Variants in ENPP3 observed in about 807,000 individuals in gnomAD.
ENPP3 encodes the protein ectonucleotide pyrophosphatase/phosphodiesterase 3, also known as ectonucleotide pyrophosphatase/phosphodiesterase family member 3.
A neutral mutation model predicts 117.8 loss-of-function variants in ENPP3; 104 were observed. That is an observed-to-expected ratio of 0.88 (90% CI 0.75 to 1.04). ENPP3 has a LOEUF of 1.04. ENPP3 is among the 50% of genes least tolerant of loss of function. ENPP3 has a pLI of 0.00. For missense variants in ENPP3, 1,026 were observed against 1,051.9 expected (o/e 0.98, Z 0.34); for synonymous variants, 380 against 349.9 (o/e 1.09, Z -0.96).
rs1021406509 is a variant in ENPP3, at chr6:131,685,582, T to C, written c.1252+87T>C. The C allele has an allele frequency of 3.0e-6, 4 of 1,336,466 alleles. No homozygotes were observed. In the African/African-American group the frequency reaches 5.9e-5, roughly 20 times the overall value. 82.8% of individuals were successfully genotyped at this position (1,336,466 alleles called of 1,614,324 possible). A position where few individuals can be genotyped will look rare whatever the true frequency, so the allele number is the denominator to read the frequency against. On this transcript the variant is annotated intron_variant, in intron 13 of 24. Transcript: ENST00000357639. ...ACTAATTCTGAGAGGAAGTTGGGGTTATCAGACCCTCTACTGACTTCTTGA... is the reference window on the plus strand; with the variant it reads ...ACTAATTCTGAGAGGAAGTTGGGGTCATCAGACCCTCTACTGACTTCTTGA...
intron 12 of ENPP3, among the ~76,000 whole-genome samples, chr6:131,684,416 A>G (rs112202257): frequency 0.096 from 14,635 of 152,262 alleles, 1,663 homozygotes; most frequent in African/African-American, 0.27. Context: ...ACCATGGCTC[A>G]GGCCTGTAAT....
chr6:131,646,161 C>T (rs1189309915), intron 2 of ENPP3, among the ~76,000 whole-genome samples: 1 of 152,114 alleles, frequency 6.6e-6, no homozygotes, highest in Non-Finnish European at 1.5e-5. Context: ...TTACTTCCCT[C>T]ATATTTTTAC....
chr6:131,676,300 T>G (rs1440864754), intron 9 of ENPP3, among the ~76,000 whole-genome samples: 1 of 152,014 alleles, frequency 6.6e-6, no homozygotes, highest in Non-Finnish European at 1.5e-5. Flanking sequence ...ATACGCTATA[T>G]AATTTATTTT....
intron 16 of ENPP3, among the ~76,000 whole-genome samples, chr6:131,719,920 T>C (rs56176650): frequency 0.01 from 1,597 of 152,204 alleles, 21 homozygotes; most frequent in African/African-American, 0.033. Flanking sequence ...TGATTAATGA[T>C]ATGAAACAAT....
chr6:131,661,737 T>C (rs1281580340), intron 6 of ENPP3, among the ~76,000 whole-genome samples: 3 of 152,268 alleles, frequency 2.0e-5, no homozygotes, highest in African/African-American at 7.2e-5. Context: ...CATTTTTTAA[T>C]GAGACTATTG....
intron 6 of ENPP3, among the ~76,000 whole-genome samples, chr6:131,664,875 A>C (rs1317461497): frequency 6.6e-6 from 1 of 152,162 alleles, no homozygotes; most frequent in Non-Finnish European, 1.5e-5. Flanking sequence ...GAATTGTCTA[A>C]CAACACATTT....
chr6:131,697,285 G>C (rs1002814215), intron 15 of ENPP3, among the ~76,000 whole-genome samples: 2 of 152,052 alleles, frequency 1.3e-5, no homozygotes, highest in Admixed American at 6.6e-5. Context: ...GGTAGATACA[G>C]GTGGCTTGAG....
intron 18 of ENPP3, among the ~76,000 whole-genome samples, chr6:131,722,828 G>A (rs1229438259): frequency 6.6e-6 from 1 of 152,192 alleles, no homozygotes; most frequent in Non-Finnish European, 1.5e-5. Context: ...CACTAGGGTA[G>A]GTGCTGCGGG....
At chr6:131,693,646 T>C (rs1647840929) in intron 15 of ENPP3, 22 bp downstream of exon 15, 1 of 1,608,542 alleles carries the variant, frequency 6.2e-7, no homozygotes, top group Non-Finnish European at 8.5e-7. Context: ...TGTTTACTTA[T>C]CTCATAATGC....
chr6:131,675,283 G>T, intron 9 of ENPP3, 94 bp downstream of exon 9: 1 of 797,834 alleles, frequency 1.3e-6, no homozygotes, highest in Non-Finnish European at 2.1e-6. Context: ...TAATCCAGTT[G>T]TTTAAGCCAA....
chr6:131,641,099 A>C (rs1486259789), intron 1 of ENPP3, among the ~76,000 whole-genome samples: 1 of 152,186 alleles, frequency 6.6e-6, no homozygotes, highest in Non-Finnish European at 1.5e-5. Flanking sequence ...AATGATCACA[A>C]ATGGGTGCCT....
At chr6:131,648,001 C>G (rs1479069502) in intron 2 of ENPP3, among the ~76,000 whole-genome samples, 2 of 151,986 alleles carry the variant, frequency 1.3e-5, no homozygotes, top group African/African-American at 4.8e-5. Context: ...CTTTCTTTAT[C>G]TCTTTCCTTA....
chr6:131,684,683 CAA>C (rs150280548), intron 12 of ENPP3, among the ~76,000 whole-genome samples: 3 of 130,444 alleles, frequency 2.3e-5, no homozygotes, highest in Admixed American at 1.5e-4. Context: ...GACTCTGTCT[CAA>C]AAAAAAAAAA....
intron 11 of ENPP3, among the ~76,000 whole-genome samples, chr6:131,678,905 C>CTCTCTT: frequency 7.0e-6 from 1 of 143,632 alleles, no homozygotes; most frequent in Non-Finnish European, 1.5e-5. Flanking sequence ...TTCTTTCTTT[C>CTCTCTT]TCTCTTTCTT....
Position 131,684,192 on chromosome 6 carries a change from C to T in ENPP3, c.1120+1030C>T, listed in dbSNP as rs114254483. 9.8e-3 allele frequency among the ~76,000 whole-genome samples: 1,486 copies of T among 152,238 alleles called. 26 individuals are homozygous for T. The highest frequency in any genetic ancestry group is 0.035 in the African/African-American group (1,433 of 41,534). On this transcript the variant is annotated intron_variant, in intron 12 of 24. Coordinates refer to ENST00000357639, the MANE Select transcript of ENPP3 (RefSeq NM_005021.5). Reference sequence around the variant, plus strand: ...GCCCCAATATCTGTGAAGAGACCAGCCATGGGGCATGAGGAAGAAAAATAG... The same window carrying T: ...GCCCCAATATCTGTGAAGAGACCAGTCATGGGGCATGAGGAAGAAAAATAG...
chr6:131,746,587 C>T (rs991299476), intron 24 of ENPP3, among the ~76,000 whole-genome samples, 199 bp from the exon 25 acceptor site: 2 of 151,960 alleles, frequency 1.3e-5, no homozygotes, highest in African/African-American at 4.8e-5. Flanking sequence ...ATTTTGACAA[C>T]GGTGTTCTAT....
chr6:131,706,533 C>T (rs1325822101), intron 15 of ENPP3, among the ~76,000 whole-genome samples: 7 of 151,156 alleles, frequency 4.6e-5, no homozygotes, highest in East Asian at 1.9e-4. Flanking sequence ...TTTCTCAGAA[C>T]GTATCCGCAT....
chr6:131,678,997 C>CCTTGCTTG (rs1260614854), intron 11 of ENPP3, among the ~76,000 whole-genome samples: 1 of 89,110 alleles, frequency 1.1e-5, no homozygotes, highest in Non-Finnish European at 2.1e-5. Context: ...TTCCTTCCTT[C>CCTTGCTTG]CTTGCTTCCT....
Position 131,747,234 on chromosome 6 carries a change from T to C in ENPP3, c.*278T>C, listed in dbSNP as rs1403253776. ...CTCATGACAGATTATACCTTCCTTA[T>C]TACTTGTTTTATCTTACTCAGAATC... On this transcript the variant is annotated 3_prime_UTR_variant, in exon 25 of 25. Coordinates refer to ENST00000357639, the MANE Select transcript of ENPP3 (RefSeq NM_005021.5). 5.2e-6 allele frequency: 1 copy of C among 190,728 alleles called. No homozygotes were observed. The highest frequency in any genetic ancestry group is 2.3e-5 in the African/African-American group (1 of 42,964). The allele number at this position is 190,728 out of a possible 1,614,324, so 11.8% of individuals were successfully genotyped here.
Sources: gnomAD v4.1 joint callset for allele counts (sites outside exome capture counted in the v4.1 genomes callset) on GRCh38, gnomAD v4.1.1 for gene constraint, MANE v1.5 for transcripts, NCBI Gene and HGNC (gene_info 2026-07-23, HGNC 2026-07-21) for gene names.